AHNAK: variants seen among roughly 807,000 people sequenced by gnomAD.
AHNAK encodes the protein neuroblast differentiation-associated protein AHNAK.
Under a neutral mutation model 37.8 loss-of-function variants are expected in AHNAK, and 23 were observed. The observed-to-expected ratio is 0.61, with a 90% CI of 0.44 to 0.86. The LOEUF is 0.86. Among genes scored for constraint, AHNAK ranks in the 40% least tolerant of loss-of-function variants. The pLI is 0.00. For synonymous variants in AHNAK, 2,481 were observed against 2,636.3 expected (o/e 0.94, Z 1.80); for missense variants, 7,411 against 7,319.4 (o/e 1.01, Z -0.46).
rs768267402 is a variant in AHNAK, at chr11:62,529,264, G to A, written c.5153C>T (p.Pro1718Leu). 5.6e-6 allele frequency: 9 copies of A among 1,613,946 alleles called. No homozygotes were observed. In the South Asian group the frequency reaches 8.8e-5, roughly 16 times the overall value. ...WHLKMPKMKMPKFSMPGFKAE... is the reference protein window; with the variant it reads ...WHLKMPKMKMLKFSMPGFKAE... ...TTTGAAGCCAGGCATACTGAACTTG[G>A]GCATTTTCATCTTGGGCATTTTCAG... The change falls in exon 5 of 5, where the codon CCC becomes CTC. Residue 1718 changes from proline to leucine, a missense_variant. Pro to Leu is a moderately conservative substitution (Grantham distance 98). Coordinates refer to ENST00000378024, the MANE Select transcript of AHNAK (RefSeq NM_001620.3).
At position 62,531,839 on chromosome 11, in the gene AHNAK, C is replaced by T. The variant is rs200147726; in HGVS notation, c.2578G>A (p.Asp860Asn). The T allele has an allele frequency of 2.7e-4, 430 of 1,613,512 alleles. 2 individuals carry two copies. The highest frequency in any genetic ancestry group is 2.5e-3 in the Middle Eastern group (15 of 6,062). Reference sequence around the variant, plus strand: ...ACCTCCACATCTGGGACATCAATGTCCATTTTGGCACTTTTAAGTTCAACA... The same window carrying T: ...ACCTCCACATCTGGGACATCAATGTTCATTTTGGCACTTTTAAGTTCAACA... Reference protein sequence around the residue: ...PDVELKSAKMDIDVPDVEVQG... With the variant: ...PDVELKSAKMNIDVPDVEVQG... Residue 860 changes from aspartate to asparagine, a missense_variant, in exon 5 of 5, where the codon GAC (aspartate) becomes AAC (asparagine). Asp to Asn is a conservative substitution (Grantham distance 23, BLOSUM62 1). Transcript: ENST00000378024.
intron 1 of AHNAK, chr11:62,545,937 C>G (rs1318870809): frequency 1.3e-5 from 2 of 152,268 alleles, no homozygotes; most frequent in Non-Finnish European, 2.9e-5. Context: ...GCGCACCCCC[C>G]TCCTCGCCCA....
chr11:62,490,043 GC>G (rs1939473547), intron 5 of AHNAK, among the ~76,000 whole-genome samples: 1 of 152,038 alleles, frequency 6.6e-6, no homozygotes, highest in Non-Finnish European at 1.5e-5. Context: ...CAGGGTGGAA[GC>G]CTGGGAACGG....
intron 5 of AHNAK, among the ~76,000 whole-genome samples, chr11:62,435,985 A>C (rs1367433198): frequency 2.0e-5 from 3 of 152,226 alleles, no homozygotes; most frequent in Non-Finnish European, 4.4e-5. Context: ...ACAGACCAGG[A>C]AACAAAGGCT....
intron 5 of AHNAK, among the ~76,000 whole-genome samples, chr11:62,487,035 G>A (rs2134884287): frequency 6.6e-6 from 1 of 152,232 alleles, no homozygotes; most frequent in East Asian, 1.9e-4. Flanking sequence ...GGAATAAGAT[G>A]GTCAGAGAAG....
At chr11:62,508,731 G>A (rs1853552155) in intron 4 of AHNAK, among the ~76,000 whole-genome samples, 1 of 152,274 alleles carries the variant, frequency 6.6e-6, no homozygotes, top group African/African-American at 2.4e-5. Context: ...GGGCAATTCA[G>A]AGGCTGGTAA....
chr11:62,528,817 G>A lies in AHNAK; in HGVS notation c.5600C>T (p.Pro1867Leu). 1 of 1,611,882 alleles carries A rather than the reference G, an allele frequency of 6.2e-7. No individual in the cohort carries two copies. Among genetic ancestry groups the A allele is most frequent in the South Asian group, 1.1e-5 (1 of 90,948 alleles). Residue 1867 changes from proline (P) to leucine (L), a missense_variant, in exon 5 of 5, where the codon CCC (proline) becomes CTC (leucine). Physicochemically the swap from Pro to Leu is moderately conservative, Grantham distance 98. Coordinates refer to ENST00000378024, the MANE Select transcript of AHNAK (RefSeq NM_001620.3). The stretch of plus-strand genomic sequence containing the variant: ...CACATCCGCATCCCCTTTGACTTTG[G>A]GGCCTTTCAGGTGTAAGTCCACATC... ...MPDVDLHLKGPKVKGDADVSV... is the reference protein window; with the variant it reads ...MPDVDLHLKGLKVKGDADVSV...
chr11:62,512,158 A>G (rs1190143878), downstream of AHNAK, among the ~76,000 whole-genome samples: 1 of 152,042 alleles, frequency 6.6e-6, no homozygotes, highest in Non-Finnish European at 1.5e-5. The surrounding 1 kb of genome is among the most constrained non-coding windows in gnomAD (Gnocchi z 4.0). Context: ...TGTCCTGGTT[A>G]TTCTCTATCT....
In AHNAK at chr11:62,506,590, AGAG is replaced by A. The variant is rs1565217348; in HGVS notation, c.343-14762_343-14760del. ...CAGCCCCTCAGGGCCCCAGCTGGCCAGAGGGTTGTGCCTGGCCTGCATTTTCCT... is the reference window on the plus strand; with the variant it reads ...CAGCCCCTCAGGGCCCCAGCTGGCCAGGTTGTGCCTGGCCTGCATTTTCCT... On this transcript the variant is annotated intron_variant, in intron 4 of 5. Coordinates refer to the AHNAK transcript ENST00000257247. Among the ~76,000 whole-genome samples the A allele has an allele frequency of 5.9e-5, 9 of 152,246 alleles. No homozygotes were observed. The East Asian group carries it at 1.7e-3, about 29-fold the overall frequency.
chr11:62,464,199 C>T (rs192992186), intron 5 of AHNAK, among the ~76,000 whole-genome samples: 70 of 151,834 alleles, frequency 4.6e-4, no homozygotes, highest in Non-Finnish European at 6.5e-4. Context: ...TGCTAATCTG[C>T]TAATCTGCTA....
rs899606757 is a variant in AHNAK, at chr11:62,520,682, G to A, written c.13735C>T (p.Pro4579Ser). 6.2e-7 allele frequency: 1 copy of A among 1,613,966 alleles called. No homozygotes were observed. Among genetic ancestry groups the A allele is most frequent in the African/African-American group, 1.3e-5 (1 of 74,952 alleles). ...IHGPEGKLKGPKFKMPDLHLK... is the reference protein window; with the variant it reads ...IHGPEGKLKGSKFKMPDLHLK... ...TGTAAGTCAGGCATTTTAAATTTGGGGCCCTTCAGTTTCCCTTCTGGACCA... is the reference window on the plus strand; with the variant it reads ...TGTAAGTCAGGCATTTTAAATTTGGAGCCCTTCAGTTTCCCTTCTGGACCA... Residue 4579 changes from proline (P) to serine (S), a missense_variant, in exon 5 of 5, where the codon CCC (proline) becomes TCC (serine). Coordinates refer to ENST00000378024, the MANE Select transcript of AHNAK (RefSeq NM_001620.3).
intron 1 of AHNAK, among the ~76,000 whole-genome samples, chr11:62,540,797 C>T (rs1941099130): frequency 6.6e-6 from 1 of 152,208 alleles, no homozygotes; most frequent in Non-Finnish European, 1.5e-5. Flanking sequence ...ATGCCTGACG[C>T]TGCGGGACAG....
intron 5 of AHNAK, among the ~76,000 whole-genome samples, chr11:62,489,132 TC>T (rs796262751): frequency 8.0e-4 from 122 of 151,856 alleles, no homozygotes; most frequent in African/African-American, 2.7e-3. Flanking sequence ...TCCCAATTAC[TC>T]AGGAGGCTGA....
chr11:62,520,848 G>A lies in AHNAK; in HGVS notation c.13569C>T (p.Asp4523=). 2 of 1,614,086 alleles carry A rather than the reference G, an allele frequency of 1.2e-6. No individual in the cohort carries two copies. Among genetic ancestry groups the A allele is most frequent in the Non-Finnish European group, 1.7e-6 (2 of 1,180,020 alleles). The stretch of plus-strand genomic sequence containing the variant: ...TAGGTCCTTTCAAATTCAAATCAAT[G>A]TCACTCATGGAGATTTGTGGGCTTT... The part of the protein sequence containing the change: ...HFKSPQISMS[D]IDLNLKGPKI... Residue 4523 remains aspartate, a synonymous_variant, in exon 5 of 5, where the codon GAC becomes GAT. Coordinates refer to ENST00000378024, the MANE Select transcript of AHNAK (RefSeq NM_001620.3).
In AHNAK at chr11:62,519,967, T is replaced by C. The variant is rs1250540227; in HGVS notation, c.14450A>G (p.Asp4817Gly). The change falls in exon 5 of 5, where the codon GAC becomes GGC. Residue 4817 changes from aspartate to glycine, a missense_variant. Physicochemically the swap from Asp to Gly is moderately conservative, Grantham distance 94. Coordinates refer to ENST00000378024, the MANE Select transcript of AHNAK (RefSeq NM_001620.3). Reference sequence around the variant, plus strand: ...GATATTCACATCTGGAATATCAACGTCCACCTTGGGTCCCGAGACATCGAT... The same window carrying C: ...GATATTCACATCTGGAATATCAACGCCCACCTTGGGTCCCGAGACATCGAT... The part of the protein sequence containing the change: ...ADIDVSGPKV[D>G]VDIPDVNIEG... 4 of 1,613,372 alleles carry C rather than the reference T, an allele frequency of 2.5e-6. No homozygotes were observed. In the African/African-American group the frequency reaches 5.4e-5, roughly 22 times the overall value.
intron 5 of AHNAK, among the ~76,000 whole-genome samples, chr11:62,481,641 G>A (rs547098936): frequency 5.0e-4 from 16 of 32,022 alleles, no homozygotes; most frequent in South Asian, 2.4e-3. Flanking sequence ...GCAGTGACAC[G>A]ATCTTGGCTC....
At chr11:62,446,644 C>T (rs12806071) in intron 5 of AHNAK, among the ~76,000 whole-genome samples, 4,501 of 152,046 alleles carry the variant, frequency 0.03, 85 homozygotes, top group Non-Finnish European at 0.045. Flanking sequence ...CTGTCCTGGC[C>T]GGGCATCTTC....
chr11:62,485,926 C>G (rs753093084), intron 5 of AHNAK, among the ~76,000 whole-genome samples: 1 of 148,584 alleles, frequency 6.7e-6, no homozygotes, highest in African/African-American at 2.5e-5. Context: ...GAGGCTGAGG[C>G]AGGGGAATCA....
At chr11:62,474,792 ACAATGTCC>A (rs1939109667) in intron 5 of AHNAK, among the ~76,000 whole-genome samples, 1 of 152,212 alleles carries the variant, frequency 6.6e-6, no homozygotes, top group Non-Finnish European at 1.5e-5. Flanking sequence ...GAGTGAGCAA[ACAATGTCC>A]CAACATCCTG....
Sources: gnomAD v4.1 joint callset for allele counts (sites outside exome capture counted in the v4.1 genomes callset) on GRCh38, gnomAD v4.1.1 for gene constraint, Gnocchi (gnomAD v3.1) non-coding constraint, MANE v1.5 for transcripts, NCBI Gene and HGNC (gene_info 2026-07-23, HGNC 2026-07-21) for gene names.